Variants in EEFSEC observed in about 807,000 individuals in gnomAD.
EEFSEC encodes selenocysteine-specific elongation factor.
A neutral mutation model predicts 42.1 loss-of-function variants in EEFSEC; 43 were observed. The ratio of observed to expected loss-of-function variants is 1.02; its 90% CI spans 0.80 to 1.32. EEFSEC has a LOEUF of 1.32. Ranked by LOEUF, EEFSEC falls within the 40% of genes most tolerant of loss-of-function variation. EEFSEC has a pLI of 0.00. For synonymous variants in EEFSEC, 354 were observed against 339.1 expected (o/e 1.04, Z -0.48); for missense variants, 745 against 803.6 (o/e 0.93, Z 0.88).
At chr3:128,306,845 G>A (rs574869529) in intron 4 of EEFSEC, among the ~76,000 whole-genome samples, 1 of 152,384 alleles carries the variant, frequency 6.6e-6, no homozygotes, top group East Asian at 1.9e-4. Flanking sequence ...AATTGGTTGA[G>A]CTGTGATTCA....
chr3:128,408,981 G>A (rs574083886), downstream of EEFSEC, among the ~76,000 whole-genome samples: 75 of 152,232 alleles, frequency 4.9e-4, no homozygotes, highest in African/African-American at 1.7e-3. Flanking sequence ...CCCAACACGA[G>A]GAGTCCCTCA....
intron 4 of EEFSEC, among the ~76,000 whole-genome samples, chr3:128,325,580 C>A (rs542035237): frequency 6.6e-6 from 1 of 152,130 alleles, no homozygotes; most frequent in Admixed American, 6.5e-5. Flanking sequence ...GGCACAACAC[C>A]GAGCTACAAC....
At chr3:128,156,711 C>T (rs1944387302) in intron 1 of EEFSEC, among the ~76,000 whole-genome samples, 1 of 152,218 alleles carries the variant, frequency 6.6e-6, no homozygotes, top group Admixed American at 6.5e-5. Flanking sequence ...TTTGAAATGT[C>T]ACAAACAATG....
intron 1 of EEFSEC, among the ~76,000 whole-genome samples, chr3:128,183,949 G>C (rs922523617): frequency 6.6e-6 from 1 of 152,144 alleles, no homozygotes; most frequent in Non-Finnish European, 1.5e-5. Context: ...TGCCTGAGAG[G>C]ATACAATAGA....
intron 4 of EEFSEC, among the ~76,000 whole-genome samples, chr3:128,281,750 T>A (rs926538761): frequency 6.6e-6 from 1 of 152,174 alleles, no homozygotes; most frequent in African/African-American, 2.4e-5. Context: ...GAGGAACCTC[T>A]GAGGCAGGCA....
chr3:128,159,087 A>G (rs528261430), intron 1 of EEFSEC, among the ~76,000 whole-genome samples: 7 of 152,182 alleles, frequency 4.6e-5, no homozygotes, highest in Admixed American at 6.5e-5. Flanking sequence ...CTTCCTTTTC[A>G]GGGAATTGAG....
intron 1 of EEFSEC, among the ~76,000 whole-genome samples, chr3:128,166,192 A>T (rs578079177): frequency 9.2e-5 from 14 of 152,330 alleles, no homozygotes; most frequent in African/African-American, 3.1e-4. Flanking sequence ...GGGAGCCCTG[A>T]GGTGCTTACA....
chr3:128,196,362 G>A (rs1289195910), intron 1 of EEFSEC, among the ~76,000 whole-genome samples: 1 of 152,178 alleles, frequency 6.6e-6, no homozygotes, highest in Non-Finnish European at 1.5e-5. Context: ...AAAGTGAGTT[G>A]TTGTGCGTAT....
intron 5 of EEFSEC, among the ~76,000 whole-genome samples, chr3:128,349,632 G>T (rs1381251534): frequency 6.6e-6 from 1 of 152,186 alleles, no homozygotes; most frequent in African/African-American, 2.4e-5. Context: ...ACCTTCTCAT[G>T]GGTCTCACCA....
At chr3:128,232,929 A>T (rs1228954096) in intron 1 of EEFSEC, among the ~76,000 whole-genome samples, 3 of 151,792 alleles carry the variant, frequency 2.0e-5, no homozygotes, top group African/African-American at 7.3e-5. Context: ...GGAAACCTCC[A>T]CTCTTCGTGT....
intron 5 of EEFSEC, among the ~76,000 whole-genome samples, chr3:128,344,489 G>A (rs2067290089): frequency 6.6e-6 from 1 of 152,160 alleles, no homozygotes; most frequent in Non-Finnish European, 1.5e-5. Flanking sequence ...CCTCCCCAAA[G>A]GCAGCCAGAC....
chr3:128,341,872 C>A lies in EEFSEC; in HGVS notation c.1426C>A (p.His476Asn), dbSNP rs2067259358. 6.2e-7 allele frequency: 1 copy of A among 1,613,372 alleles called. No individual in the cohort carries two copies. Residue 476 changes from histidine to asparagine, a missense_variant, in exon 5 of 7, where the codon CAT becomes AAT. His to Asn is a moderately conservative substitution (Grantham distance 68, BLOSUM62 1). Coordinates refer to ENST00000254730, the MANE Select transcript of EEFSEC (RefSeq NM_021937.5). ...RLKVYKLKHK[H>N]GLVERAMDDY... ...GAAGGTGTACAAGCTGAAGCACAAGCATGGCCTTGTGGAGCGGGTGAGCAT... is the reference window on the plus strand; with the variant it reads ...GAAGGTGTACAAGCTGAAGCACAAGAATGGCCTTGTGGAGCGGGTGAGCAT...
intron 4 of EEFSEC, among the ~76,000 whole-genome samples, chr3:128,290,744 T>G (rs749993398): frequency 2.0e-5 from 3 of 151,920 alleles, no homozygotes; most frequent in Non-Finnish European, 4.4e-5. Context: ...TTGGGGTTGT[T>G]TTGTTTGTTT....
intron 1 of EEFSEC, among the ~76,000 whole-genome samples, chr3:128,157,327 G>C (rs1490793972): frequency 2.0e-5 from 3 of 152,210 alleles, no homozygotes; most frequent in African/African-American, 7.2e-5. Context: ...ACAACAAATG[G>C]TGATAGAGAA....
At chr3:128,399,381 C>T (rs1018877575) in intron 6 of EEFSEC, among the ~76,000 whole-genome samples, 1 of 152,196 alleles carries the variant, frequency 6.6e-6, no homozygotes, top group Non-Finnish European at 1.5e-5. Context: ...ATGAGCCCGT[C>T]GAGTGCGCGC....
At chr3:128,331,489 A>C (rs1208160614) in intron 4 of EEFSEC, among the ~76,000 whole-genome samples, 2,071 of 66,040 alleles carry the variant, frequency 0.031, no homozygotes, top group Middle Eastern at 0.058. Context: ...CCTCTTCCCC[A>C]CTTCCTCAAT....
chr3:128,423,170 A>G, the EEFSEC span, among the ~76,000 whole-genome samples: 1 of 152,228 alleles, frequency 6.6e-6, no homozygotes, highest in Non-Finnish European at 1.5e-5. Flanking sequence ...GTCACTTGGG[A>G]AAACAGCTTG....
chr3:128,407,882 C>G (rs925837396), intron 6 of EEFSEC, among the ~76,000 whole-genome samples, 187 bp from the exon 7 acceptor site: 1 of 152,144 alleles, frequency 6.6e-6, no homozygotes, highest in Admixed American at 6.5e-5. Flanking sequence ...AGGCACAGTG[C>G]CCTGCTGTAC....
chr3:128,410,692 C>T (rs2068167795), downstream of EEFSEC, among the ~76,000 whole-genome samples: 1 of 152,174 alleles, frequency 6.6e-6, no homozygotes, highest in African/African-American at 2.4e-5. Flanking sequence ...ACTTGCCAGG[C>T]ACACTGCTGA....
Sources: allele counts gnomAD v4.1 joint callset (sites outside exome capture counted in the v4.1 genomes callset), GRCh38; gene constraint gnomAD v4.1.1; transcripts MANE v1.5; gene names NCBI Gene and HGNC (gene_info 2026-07-23, HGNC 2026-07-21).